Variants in LDLRAD4 observed in about 807,000 individuals in gnomAD.
The protein encoded by LDLRAD4 is low-density lipoprotein receptor class A domain-containing protein 4.
Under a neutral mutation model 17.0 loss-of-function variants are expected in LDLRAD4, and 5 were observed. The ratio of observed to expected loss-of-function variants is 0.29; its 90% CI spans 0.15 to 0.62. The LOEUF (loss-of-function observed/expected upper bound fraction) is 0.62. Ranked by LOEUF, LDLRAD4 falls within the 20% of genes least tolerant of loss-of-function variation. The pLI, the probability that LDLRAD4 is intolerant of heterozygous loss-of-function variation, is 0.84. For synonymous variants in LDLRAD4, 168 were observed against 171.8 expected (o/e 0.98, Z 0.17); for missense variants, 340 against 424.7 (o/e 0.80, Z 1.75).
chr18:13,316,372 A>C (rs2080934890), intron 1 of LDLRAD4, among the ~76,000 whole-genome samples: 1 of 152,224 alleles, frequency 6.6e-6, no homozygotes, highest in Admixed American at 6.5e-5. Context: ...TCTATTCAAA[A>C]ATGAAGGCCA....
At chr18:13,575,730 C>T (rs926757989) in intron 3 of LDLRAD4, among the ~76,000 whole-genome samples, 5 of 152,218 alleles carry the variant, frequency 3.3e-5, no homozygotes, top group African/African-American at 1.2e-4. Flanking sequence ...TCCACGCCAA[C>T]ATCTGTTATT....
At chr18:13,535,443 C>T (rs2094189627) in intron 3 of LDLRAD4, among the ~76,000 whole-genome samples, 1 of 152,152 alleles carries the variant, frequency 6.6e-6, no homozygotes, top group Admixed American at 6.5e-5. Flanking sequence ...CTCTTTATGT[C>T]CCTCTTGCTT....
chr18:13,559,870 A>G lies in LDLRAD4; in HGVS notation c.182-61247A>G, dbSNP rs533593460. On this transcript the variant is annotated intron_variant, in intron 3 of 5. Coordinates refer to ENST00000359446, the Ensembl canonical transcript of LDLRAD4. Reference sequence around the variant, plus strand: ...CCAGTTCAAAGACAGCACAGCTGGTACACAGCCTCTGCTTGTATCCAGACA... The same window carrying G: ...CCAGTTCAAAGACAGCACAGCTGGTGCACAGCCTCTGCTTGTATCCAGACA... Among the ~76,000 whole-genome samples, 83 of 11,328 alleles carry G rather than the reference A, an allele frequency of 7.3e-3. 1 individual carries two copies. The highest frequency in any genetic ancestry group is 0.055 in the East Asian group (67 of 1,210). The allele number at this position is 11,328 out of a possible 152,430, so 7.4% of individuals were successfully genotyped here. A position where few individuals can be genotyped will look rare whatever the true frequency, so the allele number is the denominator to read the frequency against.
intron 3 of LDLRAD4, among the ~76,000 whole-genome samples, chr18:13,450,915 G>A (rs1185871326): frequency 6.6e-6 from 1 of 152,202 alleles, no homozygotes; most frequent in South Asian, 2.1e-4. Flanking sequence ...AGCACCACTA[G>A]AAAGGTAGGT....
Position 13,645,828 on chromosome 18 carries a change from G to A in LDLRAD4, c.*171G>A. On this transcript the variant is annotated 3_prime_UTR_variant, in exon 6 of 6. Transcript: ENST00000359446. The surrounding 1 kb of genome is among the most constrained non-coding windows in gnomAD (Gnocchi z 5.7). ...TTTTAGGGGAATTGCATGCAAACTA[G>A]ACTGAAATGATACAAACTTCCATCT... The A allele has an allele frequency of 2.1e-6, 1 of 471,304 alleles. No homozygotes were observed. The highest frequency in any genetic ancestry group is 3.6e-6 in the Non-Finnish European group (1 of 278,212). 29.2% of individuals were successfully genotyped at this position (471,304 alleles called of 1,614,324 possible). A position where few individuals can be genotyped will look rare whatever the true frequency, so the allele number is the denominator to read the frequency against.
intron 1 of LDLRAD4, among the ~76,000 whole-genome samples, chr18:13,222,223 C>T (rs748654267): frequency 1.3e-5 from 2 of 152,062 alleles, no homozygotes; most frequent in East Asian, 1.9e-4. Flanking sequence ...TACTTGGCAT[C>T]GGAAAAATGT....
At chr18:13,448,124 A>G (rs180940368) in intron 3 of LDLRAD4, among the ~76,000 whole-genome samples, 1 of 152,318 alleles carries the variant, frequency 6.6e-6, no homozygotes, top group African/African-American at 2.4e-5. Flanking sequence ...CTATTGATTT[A>G]AGCCGTACTG....
intron 1 of LDLRAD4, among the ~76,000 whole-genome samples, chr18:13,317,175 A>G (rs1265771358): frequency 1.3e-5 from 2 of 152,258 alleles, no homozygotes; most frequent in Non-Finnish European, 2.9e-5. Flanking sequence ...GCAGCTTCTC[A>G]CAGTGGTAAC....
At chr18:13,392,405 G>A (rs1208602153) in intron 2 of LDLRAD4, among the ~76,000 whole-genome samples, 1 of 152,232 alleles carries the variant, frequency 6.6e-6, no homozygotes, top group Non-Finnish European at 1.5e-5. Flanking sequence ...CTTTCTGCCT[G>A]GCTGTCATTC....
chr18:13,390,152 T>A (rs1049008396), intron 2 of LDLRAD4, among the ~76,000 whole-genome samples: 1 of 152,230 alleles, frequency 6.6e-6, no homozygotes, highest in Non-Finnish European at 1.5e-5. Flanking sequence ...GGCTCCTCTC[T>A]TTCAGCTCAC....
rs1386650443 is a variant in LDLRAD4 at position 13,621,611 on chromosome 18, G to C, written c.336+340G>C. ...CCTCGTGCCTGGCTCCTCTGGCTTG[G>C]CAGTGCACTTGTGAGATTCATTGTG... On this transcript the variant is annotated intron_variant, in intron 4 of 5. Coordinates refer to ENST00000359446, the Ensembl canonical transcript of LDLRAD4. The surrounding 1 kb of genome is among the most constrained non-coding windows in gnomAD (Gnocchi z 5.5). Among the ~76,000 whole-genome samples, 5 of 152,210 alleles carry C rather than the reference G, an allele frequency of 3.3e-5. No homozygotes were observed. Among genetic ancestry groups the C allele is most frequent in the African/African-American group, 9.6e-5 (4 of 41,452 alleles).
chr18:13,415,438 G>C (rs1439475274), intron 2 of LDLRAD4, among the ~76,000 whole-genome samples: 1 of 152,194 alleles, frequency 6.6e-6, no homozygotes, highest in Non-Finnish European at 1.5e-5. Context: ...CAGCTGCGGT[G>C]GCAGCCCTGA....
intron 1 of LDLRAD4, among the ~76,000 whole-genome samples, chr18:13,303,146 G>A (rs1045053611): frequency 6.6e-6 from 1 of 152,242 alleles, no homozygotes; most frequent in African/African-American, 2.4e-5. Flanking sequence ...GTGCACCCCT[G>A]CAGGGCACAT....
intron 3 of LDLRAD4, among the ~76,000 whole-genome samples, chr18:13,447,290 G>T (rs1212127276): frequency 6.6e-6 from 1 of 152,212 alleles, no homozygotes; most frequent in Non-Finnish European, 1.5e-5. Flanking sequence ...ACACGCTTCT[G>T]CCTGAACGGT....
At chr18:13,628,126 C>T (rs1049266848) in intron 4 of LDLRAD4, among the ~76,000 whole-genome samples, 14 of 152,334 alleles carry the variant, frequency 9.2e-5, no homozygotes, top group African/African-American at 1.9e-4. Context: ...GCGGCTGGAG[C>T]GCTGGCTCGC....
intron 1 of LDLRAD4, among the ~76,000 whole-genome samples, chr18:13,296,994 T>TGTAGCGAGGGGATTCCTTCCCCGCCAGC (rs2046314656): frequency 6.6e-6 from 1 of 152,144 alleles, no homozygotes; most frequent in African/African-American, 2.4e-5. Context: ...TCTTTGTCTG[T>TGTAGCGAGGGGATTCCTTCCCCGCCAGC]GTAGCGAGGG....
chr18:13,352,238 A>G (rs1280862382), intron 1 of LDLRAD4, among the ~76,000 whole-genome samples: 2 of 152,248 alleles, frequency 1.3e-5, no homozygotes, highest in Admixed American at 1.3e-4. Context: ...ACTTCTATTC[A>G]ACATAGTGTT....
chr18:13,534,485 G>A (rs888580727), intron 3 of LDLRAD4, among the ~76,000 whole-genome samples: 1 of 152,000 alleles, frequency 6.6e-6, no homozygotes, highest in African/African-American at 2.4e-5. Flanking sequence ...CCTTGCAACA[G>A]GAAAGCTTTA....
intron 1 of LDLRAD4, among the ~76,000 whole-genome samples, chr18:13,311,958 A>T (rs188090700): frequency 6.6e-6 from 1 of 151,708 alleles, no homozygotes; most frequent in African/African-American, 2.4e-5. Flanking sequence ...CAGCCTCCCG[A>T]GTAGCTGGGA....
Sources: gnomAD v4.1 joint callset for allele counts (sites outside exome capture counted in the v4.1 genomes callset) on GRCh38, gnomAD v4.1.1 for gene constraint, Gnocchi (gnomAD v3.1) non-coding constraint, MANE v1.5 for transcripts, NCBI Gene and HGNC (gene_info 2026-07-23, HGNC 2026-07-21) for gene names.